PARD3: variants seen among roughly 807,000 people sequenced by gnomAD.
PARD3 encodes par-3 family cell polarity regulator.
In PARD3, 75 loss-of-function variants were observed where a neutral mutation model predicts 155.4. That is an observed-to-expected ratio of 0.48 (90% CI 0.40 to 0.58). The LOEUF (loss-of-function observed/expected upper bound fraction) is 0.58, where lower values mean the gene tolerates loss of function less well. PARD3 is among the 20% of genes least tolerant of loss of function. The probability of loss-of-function intolerance (pLI) is 0.00; values close to 1 mark genes in which losing one functional copy is unlikely to be tolerated. For synonymous variants in PARD3, 576 were observed against 610.5 expected, an observed-to-expected ratio of 0.94 and a Z score of 0.83; for missense variants, 1,642 against 1,721.7, an observed-to-expected ratio of 0.95 and a Z score of 0.82.
chr10:34,339,506 G>A (rs553437968), intron 16 of PARD3, among the ~76,000 whole-genome samples: 8 of 152,246 alleles, frequency 5.3e-5, no homozygotes, highest in South Asian at 2.1e-4. Context: ...TGCCAATCTC[G>A]CCTGAAAACC....
At chr10:34,154,509 A>G (rs1014833877) in intron 22 of PARD3, among the ~76,000 whole-genome samples, 3 of 152,222 alleles carry the variant, frequency 2.0e-5, no homozygotes, top group Non-Finnish European at 4.4e-5. Context: ...CTTTAAGATA[A>G]GCATCACCTG....
chr10:34,214,981 T>G (rs2133427928), intron 22 of PARD3, among the ~76,000 whole-genome samples: 1 of 152,334 alleles, frequency 6.6e-6, no homozygotes, highest in Middle Eastern at 3.4e-3. Flanking sequence ...AGATCAACAG[T>G]AATTGCAGTG....
intron 2 of PARD3, among the ~76,000 whole-genome samples, chr10:34,645,741 G>C (rs1420382367): frequency 6.6e-6 from 1 of 152,170 alleles, no homozygotes; most frequent in African/African-American, 2.4e-5. Flanking sequence ...TTCTCACTGG[G>C]ATATTAAGAA....
At chr10:34,272,315 C>A (rs147012972) in intron 21 of PARD3, among the ~76,000 whole-genome samples, 1 of 152,018 alleles carries the variant, frequency 6.6e-6, no homozygotes, top group African/African-American at 2.4e-5. Context: ...CATTGAACAT[C>A]ATCAAAATAA....
chr10:34,714,543 G>T (rs2094490615), intron 1 of PARD3, among the ~76,000 whole-genome samples: 1 of 152,090 alleles, frequency 6.6e-6, no homozygotes, highest in Non-Finnish European at 1.5e-5. Context: ...CCATACCACG[G>T]CACAGCTTAG....
chr10:34,732,384 A>G (rs985414547), intron 1 of PARD3, among the ~76,000 whole-genome samples: 1 of 152,096 alleles, frequency 6.6e-6, no homozygotes, highest in Admixed American at 6.5e-5. Flanking sequence ...ATTTTGTGAG[A>G]TATCTTGATT....
Position 34,423,257 on chromosome 10 carries a change from G to T in PARD3, c.715-21340C>A, listed in dbSNP as rs538371065. 5.9e-5 allele frequency among the ~76,000 whole-genome samples: 9 copies of T among 152,200 alleles called. No individual in the cohort carries two copies. The East Asian group carries it at 1.7e-3, about 29-fold the overall frequency. On this transcript the variant is annotated intron_variant, in intron 5 of 24. Coordinates refer to ENST00000374788, the MANE Select transcript of PARD3 (RefSeq NM_001184785.2). ...ATACTGTATGATCTCACTTATTGTGGAATCTAAAAACACTGAACTCATCAA... is the reference window on the plus strand; with the variant it reads ...ATACTGTATGATCTCACTTATTGTGTAATCTAAAAACACTGAACTCATCAA...
chr10:34,384,307 A>T (rs1194531649), intron 7 of PARD3, 53 bp from the exon 8 acceptor site: 1 of 1,540,972 alleles, frequency 6.5e-7, no homozygotes, highest in Non-Finnish European at 8.9e-7. Context: ...CACCATGCAC[A>T]CTGCCTTACC....
intron 22 of PARD3, among the ~76,000 whole-genome samples, chr10:34,161,964 T>C (rs761174910): frequency 9.2e-5 from 14 of 152,126 alleles, no homozygotes; most frequent in Non-Finnish European, 1.8e-4. Flanking sequence ...TCAGTAATAT[T>C]AGTGTTATGC....
intron 2 of PARD3, among the ~76,000 whole-genome samples, chr10:34,638,671 A>C (rs2092567043): frequency 6.6e-6 from 1 of 152,194 alleles, no homozygotes; most frequent in Admixed American, 6.5e-5. Context: ...ACACCCAAAC[A>C]AGAAAAGTAC....
intron 9 of PARD3, among the ~76,000 whole-genome samples, 192 bp from the exon 10 acceptor site, chr10:34,378,298 C>T (rs1012620563): frequency 2.0e-5 from 3 of 152,102 alleles, no homozygotes; most frequent in Admixed American, 1.3e-4. Flanking sequence ...AAATGGTTTA[C>T]ATATCAACAG....
intron 2 of PARD3, among the ~76,000 whole-genome samples, chr10:34,673,999 A>C (rs1372906010): frequency 1.4e-5 from 2 of 140,644 alleles, no homozygotes; most frequent in African/African-American, 2.8e-5. Flanking sequence ...AAAAAAAAAC[A>C]AACAAACAGG....
chr10:34,186,638 T>C (rs753538647), intron 22 of PARD3, among the ~76,000 whole-genome samples: 1 of 152,152 alleles, frequency 6.6e-6, no homozygotes, highest in Non-Finnish European at 1.5e-5. Flanking sequence ...AGGGGAGCAG[T>C]TGGGGAACAG....
At chr10:34,602,737 C>T (rs2089901957) in intron 2 of PARD3, among the ~76,000 whole-genome samples, 1 of 152,084 alleles carries the variant, frequency 6.6e-6, no homozygotes, top group African/African-American at 2.4e-5. Flanking sequence ...ACTGGGAAGG[C>T]CACAGGCGAG....
chr10:34,651,174 T>C (rs2093005145), intron 2 of PARD3, among the ~76,000 whole-genome samples: 1 of 152,140 alleles, frequency 6.6e-6, no homozygotes, highest in Non-Finnish European at 1.5e-5. Context: ...CAAAATTACA[T>C]GGTCCCAGCA....
At chr10:34,551,028 CCA>C (rs1175517021) in intron 2 of PARD3, among the ~76,000 whole-genome samples, 8 of 152,082 alleles carry the variant, frequency 5.3e-5, no homozygotes, top group Non-Finnish European at 1.2e-4. Flanking sequence ...TCTCCTGAGT[CCA>C]GTTACAAAAA....
intron 2 of PARD3, among the ~76,000 whole-genome samples, chr10:34,556,393 T>C (rs1335765187): frequency 6.6e-6 from 1 of 151,578 alleles, no homozygotes; most frequent in African/African-American, 2.4e-5. Flanking sequence ...TTCTTTTTTT[T>C]TTTTTTTGAG....
chr10:34,211,842 G>A (rs1306518651), intron 22 of PARD3, among the ~76,000 whole-genome samples: 1 of 152,024 alleles, frequency 6.6e-6, no homozygotes, highest in African/African-American at 2.4e-5. Context: ...CTCTCCCCAG[G>A]AGTCTCACTG....
intron 2 of PARD3, among the ~76,000 whole-genome samples, chr10:34,617,889 A>G (rs2091370432): frequency 6.6e-6 from 1 of 152,184 alleles, no homozygotes; most frequent in African/African-American, 2.4e-5. Context: ...TTTATTTCTC[A>G]GATTGGGTTA....
Sources: gnomAD v4.1 joint callset for allele counts (sites outside exome capture counted in the v4.1 genomes callset) on GRCh38, gnomAD v4.1.1 for gene constraint, MANE v1.5 for transcripts, NCBI Gene and HGNC (gene_info 2026-07-23, HGNC 2026-07-21) for gene names.